Variants in ZBTB38 observed in about 807,000 individuals in gnomAD.
ZBTB38 encodes the protein zinc finger and BTB domain-containing protein 38.
ZBTB38 carries 20 observed loss-of-function variants against 76.8 expected under a neutral mutation model. The observed-to-expected ratio is 0.26, with a 90% CI of 0.18 to 0.38. The LOEUF (loss-of-function observed/expected upper bound fraction) is 0.38. Among genes scored for constraint, ZBTB38 ranks in the 10% least tolerant of loss-of-function variants. ZBTB38 has a pLI of 1.00. For synonymous variants in ZBTB38, 504 were observed against 544.2 expected (o/e 0.93, Z 1.03); for missense variants, 1,082 against 1,482.3 (o/e 0.73, Z 4.43).
chr3:141,388,714 A>G (rs1947891497), intron 4 of ZBTB38: 1 of 152,226 alleles, frequency 6.6e-6, no homozygotes, highest in Admixed American at 6.5e-5. Flanking sequence ...TGAAAAATTT[A>G]CAGTTCTTTT....
chr3:141,335,821 A>G (rs1315500774), intron 1 of ZBTB38, among the ~76,000 whole-genome samples: 2 of 152,186 alleles, frequency 1.3e-5, no homozygotes, highest in African/African-American at 4.8e-5. Context: ...GTATCTGTTT[A>G]TTTATTATGC....
Position 141,447,269 on chromosome 3 carries a change from G to A in ZBTB38, c.*1293G>A, listed in dbSNP as rs2081168802. On this transcript the variant is annotated 3_prime_UTR_variant, in exon 6 of 6. Transcript: ENST00000321464. ...ACAGTAGCTTTGTTTTTAGGGGGTG[G>A]GAAGGTAGGATGTGGAGTGACATGG... is the stretch of plus-strand genomic sequence containing the variant. 6.6e-6 allele frequency: 1 copy of A among 152,550 alleles called. No homozygotes were observed. Among genetic ancestry groups the A allele is most frequent in the Admixed American group, 6.5e-5 (1 of 15,272 alleles). The allele number at this position is 152,550 out of a possible 1,614,324, so 9.4% of individuals were successfully genotyped here.
intron 3 of ZBTB38, chr3:141,384,682 C>T (rs1379784405): frequency 1.3e-5 from 2 of 152,220 alleles, no homozygotes; most frequent in East Asian, 1.9e-4. Context: ...GGCCTAAGGA[C>T]ACTCCATTCT....
intron 1 of ZBTB38, among the ~76,000 whole-genome samples, chr3:141,346,794 G>GTGTGTGTA (rs1339381885): frequency 7.1e-4 from 106 of 150,118 alleles, no homozygotes; most frequent in African/African-American, 2.7e-3. Context: ...GTGTGTGTGT[G>GTGTGTGTA]TGTGTGTGTG....
intron 4 of ZBTB38, among the ~76,000 whole-genome samples, chr3:141,390,255 C>T (rs1302331978): frequency 1.3e-5 from 2 of 152,020 alleles, no homozygotes; most frequent in Non-Finnish European, 2.9e-5. Flanking sequence ...TGGCACTTAC[C>T]CCATCTCATT....
Position 141,443,361 on chromosome 3 carries a change from C to T in ZBTB38, c.973C>T (p.Gln325Ter). The T allele has an allele frequency of 6.2e-7, 1 of 1,614,170 alleles. No homozygotes were observed. Among genetic ancestry groups the T allele is most frequent in the Non-Finnish European group, 8.5e-7 (1 of 1,180,028 alleles). The stretch of plus-strand genomic sequence containing the variant: ...CCATTTTTCCAGGGAAGATGAAAAT[C>T]AATCTTCTGATGTTCCCGGGCCGCC... ...DVHFSREDENQSSDVPGPPAA... is the reference protein window; with the variant it reads ...DVHFSREDEN The change falls in exon 6 of 6, where the codon CAA (glutamine) becomes TAA (stop). Residue 325 changes from glutamine to a stop codon, truncating the protein, a stop_gained. Coordinates refer to ENST00000321464, the MANE Select transcript of ZBTB38 (RefSeq NM_001376113.1). LOFTEE classifies it high-confidence loss of function. The surrounding 1 kb of genome is among the most constrained non-coding windows in gnomAD (Gnocchi z 5.6).
At chr3:141,417,553 T>C (rs1410200838) in intron 5 of ZBTB38, among the ~76,000 whole-genome samples, 1 of 151,864 alleles carries the variant, frequency 6.6e-6, no homozygotes, top group Non-Finnish European at 1.5e-5. Context: ...TTCAAATTTT[T>C]CCCCTCTCTT....
intron 1 of ZBTB38, among the ~76,000 whole-genome samples, chr3:141,350,062 C>A (rs1474917810): frequency 6.6e-6 from 1 of 152,118 alleles, no homozygotes; most frequent in Non-Finnish European, 1.5e-5. Flanking sequence ...GAGGGCTAAT[C>A]CAGGATGCTC....
rs925777068 is a variant in ZBTB38 at position 141,421,908 on chromosome 3, T to A, written c.-1+17877T>A. On this transcript the variant is annotated intron_variant, in intron 5 of 5. Transcript: ENST00000321464. ...ACTGGCTACCTGGGACCCAGGAGCA[T>A]TTCCTTGAGTGGTCTCAGCACCATC... 3.3e-5 allele frequency among the ~76,000 whole-genome samples: 5 copies of A among 152,346 alleles called. 1 individual carries two copies. The South Asian group carries it at 1.0e-3, about 32-fold the overall frequency.
At chr3:141,361,722 C>G (rs149935335) in intron 1 of ZBTB38, among the ~76,000 whole-genome samples, 11 of 152,328 alleles carry the variant, frequency 7.2e-5, no homozygotes, top group African/African-American at 2.6e-4. Context: ...GAAGTTACTC[C>G]TTCTCCAAGT....
chr3:141,393,065 A>G (rs140775601), intron 4 of ZBTB38, among the ~76,000 whole-genome samples: 9 of 152,166 alleles, frequency 5.9e-5, no homozygotes, highest in African/African-American at 1.7e-4. Flanking sequence ...AACACTCCCT[A>G]TGTTTGGCCT....
At chr3:141,427,473 C>A (rs949301788) in intron 5 of ZBTB38, among the ~76,000 whole-genome samples, 5 of 152,056 alleles carry the variant, frequency 3.3e-5, no homozygotes, top group Non-Finnish European at 7.4e-5. Context: ...TGGGAAGGCC[C>A]CAGGCACACT....
rs187019419 is a variant in ZBTB38 at position 141,352,874 on chromosome 3, G to A, written c.-738-15747G>A. Among the ~76,000 whole-genome samples, 305 of 152,076 alleles carry A rather than the reference G, an allele frequency of 2.0e-3. 1 individual carries two copies. Among genetic ancestry groups the A allele is most frequent in the Non-Finnish European group, 3.0e-3 (206 of 67,976 alleles). Reference sequence around the variant, plus strand: ...CAGATATCAAGCATGCACAGACAAAGGAAACCTGAAGACACTCGACTGCAA... The same window carrying A: ...CAGATATCAAGCATGCACAGACAAAAGAAACCTGAAGACACTCGACTGCAA... On this transcript the variant is annotated intron_variant, in intron 1 of 7. Transcript: ENST00000509842.
At chr3:141,395,413 G>GT (rs1209480669) in intron 4 of ZBTB38, among the ~76,000 whole-genome samples, 2 of 152,170 alleles carry the variant, frequency 1.3e-5, no homozygotes, top group Non-Finnish European at 2.9e-5. Flanking sequence ...TTTAGCGTGA[G>GT]TGACTCCATT....
Position 141,386,897 on chromosome 3 carries a change from T to C in ZBTB38, c.-146T>C, listed in dbSNP as rs1341380612. ...TTGAACCAAGACTCTGAGGCTGATATGCAATGTCACTTACAACATTAATCA... is the reference window on the plus strand; with the variant it reads ...TTGAACCAAGACTCTGAGGCTGATACGCAATGTCACTTACAACATTAATCA... On this transcript the variant is annotated 5_prime_UTR_variant, in exon 4 of 6. An upstream start codon of the reference 5' UTR is lost. Transcript: ENST00000321464. The C allele has an allele frequency of 1.3e-5, 2 of 152,696 alleles. No individual in the cohort carries two copies. Among genetic ancestry groups the C allele is most frequent in the Non-Finnish European group, 2.9e-5 (2 of 68,056 alleles). The allele number at this position is 152,696 out of a possible 1,614,324, so 9.5% of individuals were successfully genotyped here. A position where few individuals can be genotyped will look rare whatever the true frequency, so the allele number is the denominator to read the frequency against.
chr3:141,439,353 C>T (rs1399295891), intron 5 of ZBTB38, among the ~76,000 whole-genome samples: 1 of 152,144 alleles, frequency 6.6e-6, no homozygotes, highest in Non-Finnish European at 1.5e-5. Flanking sequence ...TTCTGACACA[C>T]AAAGGTAGAT....
intron 2 of ZBTB38, among the ~76,000 whole-genome samples, chr3:141,376,219 C>A (rs115370870): frequency 1.3e-5 from 2 of 152,130 alleles, no homozygotes; most frequent in African/African-American, 4.8e-5. Flanking sequence ...GCTCCCTACC[C>A]GCCCCAGTTC....
chr3:141,325,795 T>C (rs1448269630), intron 1 of ZBTB38, among the ~76,000 whole-genome samples: 3 of 152,208 alleles, frequency 2.0e-5, no homozygotes. Flanking sequence ...CTCTTGATAA[T>C]TTAAGCAGAC....
intron 1 of ZBTB38, among the ~76,000 whole-genome samples, chr3:141,339,088 G>T (rs1355037013): frequency 6.6e-6 from 1 of 152,084 alleles, no homozygotes; most frequent in African/African-American, 2.4e-5. Context: ...AAGCAAGAGA[G>T]TGGGCCATGC....
Sources: gnomAD v4.1 joint callset for allele counts (sites outside exome capture counted in the v4.1 genomes callset) on GRCh38, gnomAD v4.1.1 for gene constraint, Gnocchi (gnomAD v3.1) non-coding constraint, MANE v1.5 for transcripts, NCBI Gene and HGNC (gene_info 2026-07-23, HGNC 2026-07-21) for gene names.